The following VGLL4 variants were observed in gnomAD, a reference collection of about 807,000 sequenced individuals.
VGLL4 encodes vestigial like family member 4.
In VGLL4, 7 loss-of-function variants were observed where a neutral mutation model predicts 21.0. The observed-to-expected ratio is 0.33, with a 90% CI of 0.19 to 0.63. The LOEUF (loss-of-function observed/expected upper bound fraction) is 0.63, where lower values mean the gene tolerates loss of function less well. VGLL4 is among the 20% of genes least tolerant of loss of function. The pLI, the probability that VGLL4 is intolerant of heterozygous loss-of-function variation, is 0.78. For missense variants in VGLL4, 394 were observed against 425.7 expected, an observed-to-expected ratio of 0.93 and a Z score of 0.66; for synonymous variants, 222 against 173.2, an observed-to-expected ratio of 1.28 and a Z score of -2.21.
intron 2 of VGLL4, among the ~76,000 whole-genome samples, chr3:11,667,958 T>G (rs113905836): frequency 3.1e-3 from 466 of 149,120 alleles, no homozygotes; most frequent in African/African-American, 0.011. Context: ...GGTTCAAGCA[T>G]TTCTCCTGCC....
In VGLL4 at chr3:11,680,129, G is replaced by A. The variant is rs115365954; in HGVS notation, c.64+22842C>T. On this transcript the variant is annotated intron_variant, in intron 2 of 5. Transcript: ENST00000273038. ...TATCCTGTGCAGTTGCGTGCCACAG[G>A]GGTTTGTAGCCCAGATGCAACAGGT... 6.4e-3 allele frequency among the ~76,000 whole-genome samples: 973 copies of A among 152,334 alleles called. 5 individuals carry two copies. The highest frequency in any genetic ancestry group is 0.02 in the African/African-American group (828 of 41,574).
At chr3:11,691,242 T>C (rs898021210) in intron 2 of VGLL4, among the ~76,000 whole-genome samples, 2 of 149,718 alleles carry the variant, frequency 1.3e-5, no homozygotes, top group African/African-American at 4.9e-5. Flanking sequence ...ACATACTAGA[T>C]AGATACTTAC....
chr3:11,563,156 T>G (rs2073177876), intron 3 of VGLL4, among the ~76,000 whole-genome samples: 1 of 150,360 alleles, frequency 6.7e-6, no homozygotes, highest in African/African-American at 2.4e-5. Flanking sequence ...TGGGCAGAGA[T>G]AGCTTGTAAG....
intron 2 of VGLL4, among the ~76,000 whole-genome samples, chr3:11,659,533 T>C (rs111941021): frequency 2.6e-5 from 4 of 151,806 alleles, no homozygotes; most frequent in African/African-American, 9.7e-5. Flanking sequence ...GGTTTCTCCA[T>C]GTTGGTCAGG....
chr3:11,702,731 C>CAAAAA (rs370716518), intron 2 of VGLL4: 26 of 132,274 alleles, frequency 2.0e-4, no homozygotes, highest in African/African-American at 6.3e-4. Flanking sequence ...GATCCCATCT[C>CAAAAA]AAAAAAAAAA....
chr3:11,687,653 C>A (rs2076470647), intron 2 of VGLL4, among the ~76,000 whole-genome samples: 1 of 152,062 alleles, frequency 6.6e-6, no homozygotes, highest in African/African-American at 2.4e-5. Context: ...TTCAAGAGAA[C>A]AAAGATAATA....
intron 1 of VGLL4, among the ~76,000 whole-genome samples, chr3:11,635,001 A>T (rs2075560088): frequency 6.6e-6 from 1 of 152,184 alleles, no homozygotes; most frequent in Admixed American, 6.5e-5. Context: ...AAGGGAGGCA[A>T]GAATTTTAAG....
intron 1 of VGLL4, among the ~76,000 whole-genome samples, chr3:11,609,381 C>T (rs891908986): frequency 6.6e-6 from 1 of 152,138 alleles, no homozygotes; most frequent in African/African-American, 2.4e-5. Context: ...AATCAACTAA[C>T]AAAATTTTTT....
In VGLL4 at chr3:11,598,104, A is replaced by G. The variant is rs2074691930; in HGVS notation, c.272+3729T>C. Reference sequence around the variant, plus strand: ...AACGGCATGATCTCGGCTCACTGCAACCTCTGCCACCTGGATTCAGGCAAT... The same window carrying G: ...AACGGCATGATCTCGGCTCACTGCAGCCTCTGCCACCTGGATTCAGGCAAT... On this transcript the variant is annotated intron_variant, in intron 2 of 4. Coordinates refer to ENST00000430365, the MANE Select transcript of VGLL4 (RefSeq NM_001128219.3). Among the ~76,000 whole-genome samples the G allele has an allele frequency of 2.6e-5, 4 of 151,926 alleles. No homozygotes were observed. The South Asian group carries it at 8.3e-4, about 32-fold the overall frequency.
intron 2 of VGLL4, among the ~76,000 whole-genome samples, chr3:11,588,613 C>A (rs1405032120): frequency 6.6e-6 from 1 of 152,242 alleles, no homozygotes; most frequent in Non-Finnish European, 1.5e-5. Flanking sequence ...AAACAGGGGG[C>A]TAAACTACAG....
intron 1 of VGLL4, among the ~76,000 whole-genome samples, chr3:11,619,298 A>G (rs1290665358): frequency 1.3e-5 from 2 of 152,238 alleles, no homozygotes; most frequent in African/African-American, 4.8e-5. Context: ...ATCACGAAAA[A>G]TAGAAACATA....
chr3:11,640,576 T>C (rs2075670570), intron 1 of VGLL4, among the ~76,000 whole-genome samples: 1 of 152,206 alleles, frequency 6.6e-6, no homozygotes, highest in Non-Finnish European at 1.5e-5. Context: ...CTTCGATTCT[T>C]CCGGCCCTCT....
chr3:11,558,241 C>T lies in VGLL4; in HGVS notation c.*315G>A. On this transcript the variant is annotated 3_prime_UTR_variant, in exon 5 of 5. Transcript: ENST00000430365. Reference sequence around the variant, plus strand: ...ATCATGGCTTGTGACTGAGAAAGCGCTGTGGAGTCCTGGCCCCGTCGGGGC... The same window carrying T: ...ATCATGGCTTGTGACTGAGAAAGCGTTGTGGAGTCCTGGCCCCGTCGGGGC... The T allele has an allele frequency of 2.3e-6, 1 of 439,384 alleles. No individual in the cohort carries two copies. Among genetic ancestry groups the T allele is most frequent in the Non-Finnish European group, 4.1e-6 (1 of 244,854 alleles). 27.2% of individuals were successfully genotyped at this position (439,384 alleles called of 1,614,324 possible). A position where few individuals can be genotyped will look rare whatever the true frequency, so the allele number is the denominator to read the frequency against.
At chr3:11,620,788 C>T (rs755378364) in intron 1 of VGLL4, among the ~76,000 whole-genome samples, 3 of 152,150 alleles carry the variant, frequency 2.0e-5, no homozygotes, top group African/African-American at 4.8e-5. Context: ...CCCCAGGACC[C>T]GACCGTCCCA....
Position 11,558,604 on chromosome 3 carries a change from GGGGCTGGC to G in VGLL4, c.835_842del (p.Ala279LeufsTer32). ...GACTGTGGCTGACCATGTGGGCAGA[GGGGCTGGC>G]GGGCTGGCCCCTGCGAGAGGCGGAC... is the stretch of plus-strand genomic sequence containing the variant. On this transcript the variant is annotated frameshift_variant, in exon 5 of 5. Coordinates refer to ENST00000430365, the MANE Select transcript of VGLL4 (RefSeq NM_001128219.3). LOFTEE classifies it high-confidence loss of function. 1.9e-6 allele frequency: 3 copies of G among 1,606,352 alleles called. No individual in the cohort carries two copies. The highest frequency in any genetic ancestry group is 1.6e-4 in the Middle Eastern group (1 of 6,062).
At chr3:11,671,424 T>C (rs751650503) in intron 2 of VGLL4, 20 of 785,472 alleles carry the variant, frequency 2.5e-5, no homozygotes, top group Non-Finnish European at 4.3e-5. Context: ...AACAAAGAGG[T>C]AGAAAACACA....
At chr3:11,606,080 C>T (rs1328508225) in intron 1 of VGLL4, among the ~76,000 whole-genome samples, 1 of 152,102 alleles carries the variant, frequency 6.6e-6, no homozygotes, top group Non-Finnish European at 1.5e-5. Context: ...CTGGGGAGGC[C>T]TCACAATCAC....
intron 1 of VGLL4, among the ~76,000 whole-genome samples, chr3:11,717,941 G>C (rs2076941221): frequency 6.6e-6 from 1 of 152,294 alleles, no homozygotes; most frequent in East Asian, 1.9e-4. Context: ...TCTAGTCAGT[G>C]ACACTGATAG....
chr3:11,613,732 A>C (rs1464385211), intron 1 of VGLL4, among the ~76,000 whole-genome samples: 1 of 152,236 alleles, frequency 6.6e-6, no homozygotes, highest in Non-Finnish European at 1.5e-5. Context: ...CGAATCAATG[A>C]GAATTCATAT....
Sources: allele counts gnomAD v4.1 joint callset (sites outside exome capture counted in the v4.1 genomes callset), GRCh38; gene constraint gnomAD v4.1.1; transcripts MANE v1.5; gene names NCBI Gene and HGNC (gene_info 2026-07-23, HGNC 2026-07-21).